Variants in NEBL observed in about 807,000 individuals in gnomAD.
The protein encoded by NEBL is LIM and SH3 protein 2.
In NEBL, 122 loss-of-function variants were observed where a neutral mutation model predicts 140.2. That is an observed-to-expected ratio of 0.87 (90% CI 0.75 to 1.01). NEBL has a LOEUF of 1.01. Ranked by LOEUF, NEBL falls within the 50% of genes least tolerant of loss-of-function variation. NEBL has a pLI of 0.00. For synonymous variants in NEBL, 436 were observed against 398.9 expected (o/e 1.09, Z -1.11); for missense variants, 1,365 against 1,231.3 (o/e 1.11, Z -1.62).
chr10:21,030,776 G>T (rs561415), intron 2 of NEBL: 242,816 of 403,480 alleles, frequency 0.6, 73,898 homozygotes, highest in East Asian at 0.71. Context: ...CATGACTCCA[G>T]ATCTGCACCT....
intron 3 of NEBL, among the ~76,000 whole-genome samples, chr10:21,187,451 T>A (rs1057387545): frequency 6.6e-6 from 1 of 151,982 alleles, no homozygotes; most frequent in African/African-American, 2.4e-5. Context: ...ATAATTTCTT[T>A]TGAGGGCAAA....
At chr10:20,945,375 T>G (rs189437817) in intron 4 of NEBL, among the ~76,000 whole-genome samples, 2 of 152,304 alleles carry the variant, frequency 1.3e-5, no homozygotes, top group East Asian at 3.9e-4. Flanking sequence ...CGGCTGTGCT[T>G]AGATCTTGTA....
chr10:21,027,516 A>G (rs540405352), intron 2 of NEBL, among the ~76,000 whole-genome samples: 19 of 151,870 alleles, frequency 1.3e-4, no homozygotes, highest in Non-Finnish European at 1.9e-4. Flanking sequence ...TTTTGTTGAG[A>G]TGGGGTTTCA....
At chr10:21,251,616 G>A (rs1198961992) in intron 2 of NEBL, among the ~76,000 whole-genome samples, 1 of 152,074 alleles carries the variant, frequency 6.6e-6, no homozygotes. Flanking sequence ...CCAAAAATGT[G>A]TATGTTAAAT....
chr10:20,959,465 T>C (rs1835950964), intron 4 of NEBL, among the ~76,000 whole-genome samples: 1 of 152,098 alleles, frequency 6.6e-6, no homozygotes, highest in Admixed American at 6.6e-5. Flanking sequence ...TAAAGTAATA[T>C]GGAAAACTGG....
chr10:21,043,461 A>G (rs1375601959), intron 2 of NEBL, among the ~76,000 whole-genome samples: 2 of 152,230 alleles, frequency 1.3e-5, no homozygotes, highest in African/African-American at 4.8e-5. Context: ...TCTCATTTAA[A>G]AGGGACAACT....
chr10:21,143,448 C>CAAAAAAAA (rs72021692), intron 2 of NEBL, among the ~76,000 whole-genome samples: 10 of 66,448 alleles, frequency 1.5e-4, no homozygotes, highest in South Asian at 6.9e-4. Flanking sequence ...AACTTCATCT[C>CAAAAAAAA]AAAAAAAAAA....
intron 2 of NEBL, among the ~76,000 whole-genome samples, chr10:21,050,032 C>T (rs548331582): frequency 7.2e-5 from 11 of 152,144 alleles, no homozygotes; most frequent in South Asian, 6.2e-4. Context: ...CCTTGAGAGA[C>T]CAAATGAAGG....
At chr10:21,234,467 CA>C (rs1247969354) in intron 3 of NEBL, among the ~76,000 whole-genome samples, 3 of 152,176 alleles carry the variant, frequency 2.0e-5, no homozygotes, top group African/African-American at 7.2e-5. Flanking sequence ...CCTGTGGTCT[CA>C]CCAGAAGCAG....
intron 2 of NEBL, among the ~76,000 whole-genome samples, chr10:21,137,958 G>C (rs555401181): frequency 6.6e-6 from 1 of 151,232 alleles, no homozygotes; most frequent in Non-Finnish European, 1.5e-5. Context: ...GAAGGGAAGG[G>C]AAGGGAATGG....
Position 20,812,807 on chromosome 10 carries a change from T to G in NEBL, c.2480A>C (p.His827Pro). ...SDAAYKGVHPHIVEMDRRPGI... is the reference protein window; with the variant it reads ...SDAAYKGVHPPIVEMDRRPGI... ...AGGTCTCCTGTCCATCTCCACGATG[T>G]GAGGGTGGACCCCTTTATAGGCAGC... The change falls in exon 24 of 28, where the codon CAC becomes CCC. Residue 827 changes from histidine to proline, a missense_variant. His to Pro is a moderately conservative substitution (Grantham distance 77). Coordinates refer to ENST00000377122, the MANE Select transcript of NEBL (RefSeq NM_006393.3). 1 of 1,614,002 alleles carries G rather than the reference T, an allele frequency of 6.2e-7. No homozygotes were observed. The highest frequency in any genetic ancestry group is 8.5e-7 in the Non-Finnish European group (1 of 1,179,944).
At chr10:20,900,099 T>A (rs1677140911), upstream of NEBL, among the ~76,000 whole-genome samples, 1 of 152,206 alleles carries the variant, frequency 6.6e-6, no homozygotes, top group Non-Finnish European at 1.5e-5. Context: ...CCAAGCTTAA[T>A]GTATTTTAAT....
At chr10:20,960,213 T>C (rs982290109) in intron 4 of NEBL, among the ~76,000 whole-genome samples, 8 of 152,220 alleles carry the variant, frequency 5.3e-5, no homozygotes, top group South Asian at 2.1e-4. Flanking sequence ...TTTGGCAGAA[T>C]TATTTTTTAG....
intron 2 of NEBL, among the ~76,000 whole-genome samples, chr10:21,104,617 AT>A (rs373787064): frequency 3.3e-5 from 5 of 151,388 alleles, no homozygotes; most frequent in Non-Finnish European, 5.9e-5. Flanking sequence ...AGTTCAGTTG[AT>A]TTTTTTTTCA....
chr10:20,784,012 A>C lies in NEBL; in HGVS notation c.*1735T>G, dbSNP rs138810324. The C allele has an allele frequency of 3.8e-4, 58 of 152,344 alleles. No individual in the cohort carries two copies. The highest frequency in any genetic ancestry group is 3.4e-3 in the Middle Eastern group (1 of 294). The allele number at this position is 152,344 out of a possible 1,614,324, so 9.4% of individuals were successfully genotyped here. On this transcript the variant is annotated 3_prime_UTR_variant, in exon 28 of 28. Transcript: ENST00000377122. ...TAATAAAATGAAATCACAGATTTTC[A>C]AAAGCATGTGCTAACTTTTCTAAAG...
intron 2 of NEBL, among the ~76,000 whole-genome samples, chr10:21,163,036 T>C (rs766504216): frequency 7.9e-5 from 12 of 152,222 alleles, no homozygotes; most frequent in Non-Finnish European, 1.3e-4. Context: ...TCCTAAGAGA[T>C]AGAGTCTATT....
intron 3 of NEBL, among the ~76,000 whole-genome samples, chr10:20,989,779 C>T (rs1430567021): frequency 6.6e-6 from 1 of 152,114 alleles, no homozygotes; most frequent in African/African-American, 2.4e-5. Context: ...TGAACATTTA[C>T]AGGAGTAAAT....
chr10:20,990,230 A>C (rs974568032), intron 3 of NEBL, among the ~76,000 whole-genome samples: 7 of 152,228 alleles, frequency 4.6e-5, no homozygotes, highest in African/African-American at 7.2e-5. Context: ...CAACTGCCAA[A>C]AGGGTCCATG....
At chr10:20,876,056 C>A (rs995493058) in intron 5 of NEBL, among the ~76,000 whole-genome samples, 9 of 152,122 alleles carry the variant, frequency 5.9e-5, no homozygotes, top group African/African-American at 1.9e-4. Context: ...TTATCTTTGT[C>A]TAGGCATGCT....
Sources: gnomAD v4.1 joint callset for allele counts (sites outside exome capture counted in the v4.1 genomes callset) on GRCh38, gnomAD v4.1.1 for gene constraint, MANE v1.5 for transcripts, NCBI Gene and HGNC (gene_info 2026-07-23, HGNC 2026-07-21) for gene names.